The following SLIT3 variants were observed in gnomAD, a reference collection of about 807,000 sequenced individuals.
The protein encoded by SLIT3 is slit guidance ligand 3.
SLIT3 carries 68 observed loss-of-function variants against 184.0 expected under a neutral mutation model. The observed-to-expected ratio is 0.37, with a 90% CI of 0.30 to 0.45. SLIT3 has a LOEUF of 0.45. Ranked by LOEUF, SLIT3 falls within the 20% of genes least tolerant of loss-of-function variation. SLIT3 has a pLI of 1.00. For synonymous variants in SLIT3, 831 were observed against 828.6 expected (o/e 1.00, Z -0.05); for missense variants, 1,707 against 2,026.0 (o/e 0.84, Z 3.02).
chr5:168,933,007 AAG>A (rs771508621), intron 4 of SLIT3, among the ~76,000 whole-genome samples: 4 of 152,338 alleles, frequency 2.6e-5, no homozygotes, highest in Non-Finnish European at 5.9e-5. Flanking sequence ...ATACCAGGGA[AAG>A]AGAAAGCATT....
intron 4 of SLIT3, among the ~76,000 whole-genome samples, chr5:169,155,170 G>A (rs1266648409): frequency 2.6e-5 from 4 of 152,178 alleles, no homozygotes; most frequent in East Asian, 3.8e-4. Flanking sequence ...CTGTGTCTGC[G>A]AGTCAGATAG....
At position 168,818,247 on chromosome 5, in the gene SLIT3, C is replaced by T. The variant is rs75124785; in HGVS notation, c.630-784G>A. 7.6e-3 allele frequency among the ~76,000 whole-genome samples: 1,155 copies of T among 152,274 alleles called. 6 individuals are homozygous for T. The highest frequency in any genetic ancestry group is 0.021 in the African/African-American group (868 of 41,530). ...AAATATTTTCTAACCAGTTCTAGGA[C>T]GCTTTGGCTTTCCCCCTCTGGTAGT... On this transcript the variant is annotated intron_variant, in intron 7 of 35. Transcript: ENST00000519560.
intron 4 of SLIT3, among the ~76,000 whole-genome samples, chr5:168,936,534 C>G (rs1321924854): frequency 6.6e-6 from 1 of 152,128 alleles, no homozygotes; most frequent in Non-Finnish European, 1.5e-5. Flanking sequence ...CGCCTGGTAG[C>G]TTTTCCTCTT....
chr5:169,181,282 T>G (rs1222333734), intron 4 of SLIT3, among the ~76,000 whole-genome samples: 1 of 152,092 alleles, frequency 6.6e-6, no homozygotes, highest in Non-Finnish European at 1.5e-5. Flanking sequence ...TAGAGAGGTT[T>G]TGTGTGTGTG....
At chr5:168,677,607 C>A (rs910938279) in intron 32 of SLIT3, among the ~76,000 whole-genome samples, 6 of 152,204 alleles carry the variant, frequency 3.9e-5, no homozygotes, top group African/African-American at 1.2e-4. Flanking sequence ...CACCACCATC[C>A]CCGGCTAATT....
intron 4 of SLIT3, among the ~76,000 whole-genome samples, chr5:169,088,395 C>T (rs1044464411): frequency 1.3e-4 from 20 of 148,538 alleles, no homozygotes; most frequent in African/African-American, 4.5e-4. Context: ...TCTTTTTCTT[C>T]GATTTTTTTT....
intron 4 of SLIT3, among the ~76,000 whole-genome samples, chr5:169,042,213 T>C (rs1019683744): frequency 6.6e-6 from 1 of 152,116 alleles, no homozygotes; most frequent in Non-Finnish European, 1.5e-5. Context: ...AATACCTTCA[T>C]ACAGAAACAC....
intron 8 of SLIT3, among the ~76,000 whole-genome samples, chr5:168,807,438 T>A (rs1434345988): frequency 6.6e-6 from 1 of 152,230 alleles, no homozygotes; most frequent in Non-Finnish European, 1.5e-5. Context: ...ATTTGCATGC[T>A]ATGACTATTC....
chr5:169,069,063 T>C lies in SLIT3; in HGVS notation c.413+124416A>G, dbSNP rs138063053. ...ATAACAAAGCAATGGCTGCCCTTTA[T>C]TGAAGAGCAAAGATGTAGACTATGT... On this transcript the variant is annotated intron_variant, in intron 4 of 35. Transcript: ENST00000519560. 1.4e-4 allele frequency among the ~76,000 whole-genome samples: 22 copies of C among 152,328 alleles called. No homozygotes were observed. The East Asian group carries it at 4.1e-3, about 28-fold the overall frequency.
chr5:168,944,860 CT>C (rs1461050186), intron 4 of SLIT3, among the ~76,000 whole-genome samples: 2 of 152,266 alleles, frequency 1.3e-5, no homozygotes, highest in East Asian at 3.9e-4. Context: ...AGTTGTATCC[CT>C]AACTTACTCT....
chr5:169,287,903 G>C (rs771352747), intron 1 of SLIT3, among the ~76,000 whole-genome samples: 6 of 152,092 alleles, frequency 3.9e-5, no homozygotes, highest in African/African-American at 7.2e-5. Context: ...AAACTCCACT[G>C]GCCAAGTGAA....
chr5:168,747,876 T>G (rs1283270844), intron 20 of SLIT3, among the ~76,000 whole-genome samples: 1 of 152,090 alleles, frequency 6.6e-6, no homozygotes, highest in Non-Finnish European at 1.5e-5. Context: ...AAAAGTGCTT[T>G]GTAAGCCACG....
chr5:169,111,535 T>C (rs1259786714), intron 4 of SLIT3, among the ~76,000 whole-genome samples: 1 of 152,150 alleles, frequency 6.6e-6, no homozygotes, highest in Non-Finnish European at 1.5e-5. Context: ...GCAGATCACC[T>C]GAGGTCAGGA....
chr5:169,265,658 AT>A (rs747204706), intron 1 of SLIT3, among the ~76,000 whole-genome samples: 4 of 152,162 alleles, frequency 2.6e-5, no homozygotes, highest in African/African-American at 7.2e-5. Context: ...CTGTTTCTCC[AT>A]CTTAAATGGC....
chr5:169,202,594 T>A (rs1763936369), intron 3 of SLIT3, among the ~76,000 whole-genome samples: 1 of 152,132 alleles, frequency 6.6e-6, no homozygotes, highest in Non-Finnish European at 1.5e-5. Flanking sequence ...TGCCCAATAA[T>A]CCCAGCAGGG....
chr5:169,218,145 A>T (rs1261545830), intron 3 of SLIT3, among the ~76,000 whole-genome samples: 1 of 152,150 alleles, frequency 6.6e-6, no homozygotes, highest in Non-Finnish European at 1.5e-5. Context: ...TCTACCAAGG[A>T]CTGTTTGTAC....
At chr5:168,749,736 G>A (rs1561909737) in intron 18 of SLIT3, 101 bp from the exon 19 acceptor site, 1 of 1,288,722 alleles carries the variant, frequency 7.8e-7, no homozygotes, top group Admixed American at 1.9e-5. Flanking sequence ...GAAGGAGGAG[G>A]TCTCAGGAAG....
intron 4 of SLIT3, among the ~76,000 whole-genome samples, chr5:169,042,047 G>T (rs546000786): frequency 1.1e-3 from 172 of 152,300 alleles, no homozygotes; most frequent in Non-Finnish European, 2.2e-3. Context: ...TTCTTGGTTT[G>T]ATGATTGCAT....
chr5:168,952,917 C>T (rs181284835), intron 4 of SLIT3, among the ~76,000 whole-genome samples: 186 of 152,198 alleles, frequency 1.2e-3, no homozygotes, highest in Non-Finnish European at 2.2e-3. Context: ...GCAGGGAGGG[C>T]GTCAGCAGAT....
Sources: allele counts gnomAD v4.1 joint callset (sites outside exome capture counted in the v4.1 genomes callset), GRCh38; gene constraint gnomAD v4.1.1; transcripts MANE v1.5; gene names NCBI Gene and HGNC (gene_info 2026-07-23, HGNC 2026-07-21).